Variants in SPATA6 observed in about 807,000 individuals in gnomAD.
SPATA6 encodes spermatogenesis associated 6.
SPATA6 carries 56 observed loss-of-function variants against 65.3 expected under a neutral mutation model. The observed-to-expected ratio is 0.86, with a 90% confidence interval of 0.69 to 1.07. SPATA6 has a LOEUF of 1.07. SPATA6 is among the 50% of genes least tolerant of loss of function. SPATA6 has a pLI of 0.00. For missense variants in SPATA6, 590 were observed against 594.8 expected, an observed-to-expected ratio of 0.99 and a Z score of 0.08; for synonymous variants, 199 against 213.2, an observed-to-expected ratio of 0.93 and a Z score of 0.58.
At chr1:48,400,309 T>A (rs1651044013) in intron 6 of SPATA6, among the ~76,000 whole-genome samples, 1 of 151,986 alleles carries the variant, frequency 6.6e-6, no homozygotes, top group African/African-American at 2.4e-5. Flanking sequence ...AAAAGCATTA[T>A]AAACTTAGTA....
intron 3 of SPATA6, among the ~76,000 whole-genome samples, chr1:48,415,148 A>ATT (rs1652635497): frequency 6.6e-6 from 1 of 151,540 alleles, no homozygotes; most frequent in Admixed American, 6.6e-5. Context: ...AAATGGTTTT[A>ATT]AAGGGAATGT....
intron 12 of SPATA6, among the ~76,000 whole-genome samples, chr1:48,304,895 CGGTAAAAAATACTCTTCCTCAG>C (rs1278935817): frequency 6.6e-6 from 1 of 151,964 alleles, no homozygotes; most frequent in African/African-American, 2.4e-5. Flanking sequence ...AAATAACAAA[CGGTAAAAAATACTCTTCCTCAG>C]GGTGTGTACC....
At chr1:48,382,763 TC>T (rs1648873977) in intron 9 of SPATA6, among the ~76,000 whole-genome samples, 2 of 77,600 alleles carry the variant, frequency 2.6e-5, no homozygotes, top group Non-Finnish European at 5.3e-5. Context: ...GGGGGGCTGA[TC>T]CCCCCACCTC....
intron 3 of SPATA6, chr1:48,437,260 C>G: frequency 6.3e-7 from 1 of 1,594,224 alleles, no homozygotes; most frequent in Non-Finnish European, 8.5e-7. Context: ...ATACTTGACA[C>G]TTTCTCCTTG....
chr1:48,342,731 C>T lies in SPATA6; in HGVS notation c.1194+12939G>A, dbSNP rs188213682. 2.6e-4 allele frequency among the ~76,000 whole-genome samples: 40 copies of T among 152,074 alleles called. 1 individual carries two copies. Among genetic ancestry groups the T allele is most frequent in the African/African-American group, 9.6e-4 (40 of 41,470 alleles). Reference sequence around the variant, plus strand: ...AGAGTGTAGTGACTGAAAAGAGGCACCAGAGACAATTCTAGGGTGCTAGTA... The same window carrying T: ...AGAGTGTAGTGACTGAAAAGAGGCATCAGAGACAATTCTAGGGTGCTAGTA... On this transcript the variant is annotated intron_variant, in intron 11 of 12. Transcript: ENST00000371847.
rs373886562 is a variant in SPATA6 at position 48,422,933 on chromosome 1, T to A, written c.239-9782A>T. ...CTCACAATAGTTTTATTCATAATAA[T>A]CCAAAATTTAAAACAATTGTCATCA... is the stretch of plus-strand genomic sequence containing the variant. On this transcript the variant is annotated intron_variant, in intron 3 of 12. Coordinates refer to ENST00000371847, the MANE Select transcript of SPATA6 (RefSeq NM_019073.4). 2.8e-4 allele frequency among the ~76,000 whole-genome samples: 43 copies of A among 152,206 alleles called. No individual in the cohort carries two copies. In the South Asian group the frequency reaches 3.3e-3, roughly 12 times the overall value.
chr1:48,335,473 A>G (rs560401917), intron 11 of SPATA6, among the ~76,000 whole-genome samples: 113 of 152,278 alleles, frequency 7.4e-4, no homozygotes, highest in Admixed American at 3.5e-3. Context: ...GAGAGAGCCA[A>G]GAAATAAAGC....
intron 1 of SPATA6, among the ~76,000 whole-genome samples, chr1:48,459,753 A>T (rs578233158): frequency 1.3e-4 from 20 of 152,314 alleles, no homozygotes; most frequent in South Asian, 6.2e-4. Flanking sequence ...AAATTTTTTT[A>T]AAAAATCATG....
chr1:48,406,780 T>C (rs896235818), intron 5 of SPATA6, among the ~76,000 whole-genome samples: 36 of 152,340 alleles, frequency 2.4e-4, no homozygotes, highest in African/African-American at 8.4e-4. Flanking sequence ...CAAGTTTACA[T>C]TAATCTACCC....
At chr1:48,390,104 T>C (rs889360655) in intron 8 of SPATA6, among the ~76,000 whole-genome samples, 1 of 152,096 alleles carries the variant, frequency 6.6e-6, no homozygotes, top group Non-Finnish European at 1.5e-5. Flanking sequence ...GAAAGGAAAT[T>C]AGTATATTGA....
At chr1:48,398,860 TTCCCATAACCA>T (rs1432018971) in intron 7 of SPATA6, among the ~76,000 whole-genome samples, 1 of 151,892 alleles carries the variant, frequency 6.6e-6, no homozygotes, top group African/African-American at 2.4e-5. Flanking sequence ...TTCAAAGGCC[TTCCCATAACCA>T]TCAAACAATA....
downstream of SPATA6, among the ~76,000 whole-genome samples, chr1:48,292,392 G>A (rs1054941036): frequency 6.6e-6 from 1 of 152,226 alleles, no homozygotes; most frequent in African/African-American, 2.4e-5. Context: ...AATGTTGTGG[G>A]GGTTTTGTGG....
Position 48,384,911 on chromosome 1 carries a change from C to T in SPATA6, c.909+398G>A, listed in dbSNP as rs892929128. 6.6e-5 allele frequency among the ~76,000 whole-genome samples: 10 copies of T among 152,188 alleles called. No homozygotes were observed. The East Asian group carries it at 1.7e-3, about 26-fold the overall frequency. ...AAGAAAGTGAATTTAAGGAAAAGAGCATAAAATATATGCAAATACTACAAA... is the reference window on the plus strand; with the variant it reads ...AAGAAAGTGAATTTAAGGAAAAGAGTATAAAATATATGCAAATACTACAAA... On this transcript the variant is annotated intron_variant, in intron 9 of 12. Coordinates refer to ENST00000371847, the MANE Select transcript of SPATA6 (RefSeq NM_019073.4).
intron 12 of SPATA6, among the ~76,000 whole-genome samples, chr1:48,300,938 A>G (rs952539912): frequency 2.0e-5 from 3 of 152,098 alleles, no homozygotes; most frequent in African/African-American, 7.2e-5. Flanking sequence ...ATATACAACA[A>G]ACTCACAGCT....
At chr1:48,385,175 A>T in intron 9 of SPATA6, 134 bp downstream of exon 9, 1 of 787,126 alleles carries the variant, frequency 1.3e-6, no homozygotes, top group Non-Finnish European at 1.8e-6. Context: ...ATAACATTAT[A>T]TGACAATTAT....
At chr1:48,309,563 C>T (rs190208006) in intron 11 of SPATA6, among the ~76,000 whole-genome samples, 1 of 152,062 alleles carries the variant, frequency 6.6e-6, no homozygotes, top group African/African-American at 2.4e-5. Flanking sequence ...TTTATAAATG[C>T]TTTCTTTTGG....
In SPATA6 at chr1:48,326,866, G is replaced by T. The variant is rs144819100; in HGVS notation, c.1195-20988C>A. On this transcript the variant is annotated intron_variant, in intron 11 of 12. Transcript: ENST00000371847. ...AGTAATTAATTCATGATATATTAAA[G>T]ACTTAAATGTAATACCTGAAACTAT... Among the ~76,000 whole-genome samples, 1,317 of 152,154 alleles carry T rather than the reference G, an allele frequency of 8.7e-3. 17 individuals carry two copies. Among genetic ancestry groups the T allele is most frequent in the Non-Finnish European group, 0.012 (807 of 67,988 alleles).
chr1:48,458,699 A>T (rs1657189683), intron 1 of SPATA6, among the ~76,000 whole-genome samples: 1 of 152,236 alleles, frequency 6.6e-6, no homozygotes, highest in Non-Finnish European at 1.5e-5. Flanking sequence ...AAAAGGCCAC[A>T]TATTGTTTGA....
chr1:48,453,103 T>C lies in SPATA6; in HGVS notation c.80A>G (p.Asp27Gly), dbSNP rs1325335589. The C allele has an allele frequency of 1.2e-6, 2 of 1,613,298 alleles. No homozygotes were observed. Among genetic ancestry groups the C allele is most frequent in the Non-Finnish European group, 1.7e-6 (2 of 1,179,820 alleles). Residue 27 changes from aspartate (D) to glycine (G), a missense_variant, in exon 2 of 13, where the codon GAC (aspartate) becomes GGC (glycine). Physicochemically the swap from Asp to Gly is moderately conservative, Grantham distance 94 (BLOSUM62 -1). Coordinates refer to ENST00000371847, the MANE Select transcript of SPATA6 (RefSeq NM_019073.4). ...SVTCPGVVLKDKEDIYLSICV... is the reference protein window; with the variant it reads ...SVTCPGVVLKGKEDIYLSICV... ...GATGCTAAGATAGATGTCCTCTTTGTCTTTAAGCACGACTCCTGGGCAAGT... is the reference window on the plus strand; with the variant it reads ...GATGCTAAGATAGATGTCCTCTTTGCCTTTAAGCACGACTCCTGGGCAAGT...
Sources: gnomAD v4.1 joint callset for allele counts (sites outside exome capture counted in the v4.1 genomes callset) on GRCh38, gnomAD v4.1.1 for gene constraint, MANE v1.5 for transcripts, NCBI Gene and HGNC (gene_info 2026-07-23, HGNC 2026-07-21) for gene names.